DACH2: variants seen among roughly 807,000 people sequenced by gnomAD.
DACH2 encodes the protein dachshund family transcription factor 2, also known as dachshund homolog 2.
DACH2 carries 17 observed loss-of-function variants against 35.8 expected under a neutral mutation model. That is an observed-to-expected ratio of 0.48 (90% CI 0.33 to 0.71). The LOEUF is 0.71. Ranked by LOEUF, DACH2 falls within the 30% of genes least tolerant of loss-of-function variation. The pLI, the probability that DACH2 is intolerant of heterozygous loss-of-function variation, is 0.02. For synonymous variants in DACH2, 195 were observed against 177.3 expected, an observed-to-expected ratio of 1.10 and a Z score of -0.79; for missense variants, 469 against 472.7, an observed-to-expected ratio of 0.99 and a Z score of 0.07.
At chrX:86,459,419 A>G (rs753050881) in intron 2 of DACH2, among the ~76,000 whole-genome samples, 2 of 111,129 alleles carry the variant, frequency 1.8e-5, no homozygotes, top group East Asian at 5.7e-4. Context: ...TTTAAACACA[A>G]CCTTTGCGCA....
intron 7 of DACH2, among the ~76,000 whole-genome samples, chrX:86,768,679 T>C (rs144189313): frequency 0.074 from 8,204 of 110,869 alleles, 512 homozygotes; most frequent in Admixed American, 0.27. Flanking sequence ...TTGGGAAGCA[T>C]GTGCAGGTTT....
At chrX:86,313,574 A>G (rs1047436532) in intron 1 of DACH2, among the ~76,000 whole-genome samples, 1 of 112,323 alleles carries the variant, frequency 8.9e-6, no homozygotes, top group East Asian at 2.8e-4. Context: ...CCCATTTCAA[A>G]CATCACTTTC....
chrX:86,452,363 C>T (rs763868266), intron 2 of DACH2, among the ~76,000 whole-genome samples: 1 of 111,482 alleles, frequency 9.0e-6, no homozygotes, highest in East Asian at 2.8e-4. Flanking sequence ...AGGAGTCCTT[C>T]GTTTTCAATT....
chrX:86,564,230 C>G (rs1380428301), intron 3 of DACH2, among the ~76,000 whole-genome samples: 1 of 111,323 alleles, frequency 9.0e-6, no homozygotes, highest in Non-Finnish European at 1.9e-5. Context: ...ATAATGTGAT[C>G]TCCAACCTAA....
At chrX:86,194,316 C>T (rs1002259212) in intron 1 of DACH2, among the ~76,000 whole-genome samples, 3 of 111,590 alleles carry the variant, frequency 2.7e-5, no homozygotes, top group Admixed American at 1.9e-4. Context: ...TGTATTCTCC[C>T]TTCAAGATAT....
intron 3 of DACH2, among the ~76,000 whole-genome samples, chrX:86,585,768 A>G (rs1569447006): frequency 9.1e-6 from 1 of 110,460 alleles, no homozygotes; most frequent in Non-Finnish European, 1.9e-5. Flanking sequence ...TCTGTTTAGT[A>G]CTCCATGGTG....
chrX:86,735,748 G>A (rs774754533), intron 6 of DACH2, among the ~76,000 whole-genome samples: 38 of 111,370 alleles, frequency 3.4e-4, no homozygotes, highest in Non-Finnish European at 5.5e-4. Context: ...TTTTGATGGG[G>A]CACAAATTAA....
At chrX:86,370,196 G>GA (rs2035865519) in intron 1 of DACH2, among the ~76,000 whole-genome samples, 1 of 111,043 alleles carries the variant, frequency 9.0e-6, no homozygotes, top group African/African-American at 3.3e-5. Context: ...GTGCTAGGAA[G>GA]GAAACATCAT....
At chrX:86,268,197 T>G (rs1245127318) in intron 1 of DACH2, among the ~76,000 whole-genome samples, 1 of 112,405 alleles carries the variant, frequency 8.9e-6, no homozygotes, top group African/African-American at 3.2e-5. Flanking sequence ...GCTTCCTTCA[T>G]TGTTTAATTC....
At chrX:86,521,545 C>T (rs2038555074) in intron 3 of DACH2, among the ~76,000 whole-genome samples, 1 of 111,973 alleles carries the variant, frequency 8.9e-6, no homozygotes, top group East Asian at 2.8e-4. Context: ...TGTTTTACTT[C>T]CTGCCACTTG....
intron 2 of DACH2, among the ~76,000 whole-genome samples, chrX:86,442,563 A>G (rs2037186914): frequency 9.1e-6 from 1 of 109,330 alleles, no homozygotes; most frequent in Non-Finnish European, 1.9e-5. Flanking sequence ...TTGAAATCCC[A>G]TTTGTTTCTT....
At chrX:86,638,585 C>T (rs1171389822) in intron 3 of DACH2, among the ~76,000 whole-genome samples, 1 of 111,327 alleles carries the variant, frequency 9.0e-6, no homozygotes, top group Non-Finnish European at 1.9e-5. Context: ...ACCCCATTAA[C>T]AAGCAGGTAA....
intron 1 of DACH2, among the ~76,000 whole-genome samples, chrX:86,280,427 C>G (rs1371617394): frequency 1.8e-5 from 2 of 111,921 alleles, no homozygotes; most frequent in African/African-American, 6.5e-5. Flanking sequence ...ACCACCAGAC[C>G]TGCTTTACAA....
intron 1 of DACH2, among the ~76,000 whole-genome samples, chrX:86,303,212 A>T (rs1040764019): frequency 9.3e-6 from 1 of 107,764 alleles, no homozygotes; most frequent in Non-Finnish European, 1.9e-5. Flanking sequence ...ACTGCTACTA[A>T]GTAGTCCTTA....
At chrX:86,800,773 G>A (rs1055667760) in intron 7 of DACH2, among the ~76,000 whole-genome samples, 12 of 111,096 alleles carry the variant, frequency 1.1e-4, no homozygotes, top group Non-Finnish European at 1.5e-4. Flanking sequence ...GGGTTCAAGC[G>A]ATTCTCCTGC....
At chrX:86,749,253 A>G (rs1406851422) in intron 7 of DACH2, among the ~76,000 whole-genome samples, 3 of 112,013 alleles carry the variant, frequency 2.7e-5, no homozygotes, top group Non-Finnish European at 5.6e-5. Flanking sequence ...TTTCCTTTGC[A>G]TTCACAACTT....
chrX:86,734,228 G>T (rs761098422), intron 6 of DACH2, among the ~76,000 whole-genome samples: 1 of 110,863 alleles, frequency 9.0e-6, no homozygotes, highest in African/African-American at 3.3e-5. Context: ...TCACACAAAG[G>T]GTGTGTGTAT....
chrX:86,485,274 A>G (rs7052304), intron 2 of DACH2, among the ~76,000 whole-genome samples: 8,489 of 111,545 alleles, frequency 0.076, 764 homozygotes, highest in African/African-American at 0.26. Context: ...TACAAAATAT[A>G]TTCCAAGAGG....
intron 3 of DACH2, among the ~76,000 whole-genome samples, chrX:86,623,290 A>G: frequency 8.9e-6 from 1 of 112,702 alleles, no homozygotes; most frequent in East Asian, 2.8e-4. Context: ...AATTATTAAC[A>G]GTTGTGGGAA....
Sources: gnomAD v4.1 joint callset for allele counts (sites outside exome capture counted in the v4.1 genomes callset) on GRCh38, gnomAD v4.1.1 for gene constraint, MANE v1.5 for transcripts, NCBI Gene and HGNC (gene_info 2026-07-23, HGNC 2026-07-21) for gene names.